Variants in TMEM132B observed in about 807,000 individuals in gnomAD.
TMEM132B encodes transmembrane protein 132B.
Under a neutral mutation model 90.8 loss-of-function variants are expected in TMEM132B, and 18 were observed. The ratio of observed to expected loss-of-function variants is 0.20; its 90% CI spans 0.14 to 0.29. The LOEUF (loss-of-function observed/expected upper bound fraction) is 0.29. Ranked by LOEUF, TMEM132B falls within the 10% of genes least tolerant of loss-of-function variation. The pLI, the probability that TMEM132B is intolerant of heterozygous loss-of-function variation, is 1.00. For missense variants in TMEM132B, 1,096 were observed against 1,326.8 expected (o/e 0.83, Z 2.70); for synonymous variants, 504 against 523.3 (o/e 0.96, Z 0.50).
At chr12:125,592,923 T>C (rs1329949723) in intron 5 of TMEM132B, among the ~76,000 whole-genome samples, 1 of 152,228 alleles carries the variant, frequency 6.6e-6, no homozygotes, top group Admixed American at 6.5e-5. Flanking sequence ...GTTTTTGTTG[T>C]AGCAAGTCAC....
chr12:125,589,657 G>C lies in TMEM132B; in HGVS notation c.1437+5663G>C, dbSNP rs549422898. Among the ~76,000 whole-genome samples the C allele has an allele frequency of 6.8e-4, 103 of 152,104 alleles. 1 individual carries two copies. The highest frequency in any genetic ancestry group is 1.1e-3 in the Non-Finnish European group (76 of 68,026). ...CATATCAGAAGATGAAGGAGGAGCA[G>C]ACACATCTTACATGGCAGGAGCAGG... On this transcript the variant is annotated intron_variant, in intron 5 of 8. Coordinates refer to ENST00000682704, the MANE Select transcript of TMEM132B (RefSeq NM_001366854.1).
At chr12:125,391,060 T>G (rs1879000053) in intron 2 of TMEM132B, among the ~76,000 whole-genome samples, 1 of 151,866 alleles carries the variant, frequency 6.6e-6, no homozygotes, top group African/African-American at 2.4e-5. Context: ...TGTGTGTGTG[T>G]GTGTGTGTGT....
At chr12:125,217,571 C>T (rs903810781) in intron 1 of TMEM132B, among the ~76,000 whole-genome samples, 4 of 152,252 alleles carry the variant, frequency 2.6e-5, no homozygotes, top group East Asian at 1.9e-4. Flanking sequence ...CTCAGCCTCC[C>T]GAGTAGCTGG....
chr12:125,218,993 C>T (rs931376215), intron 1 of TMEM132B, among the ~76,000 whole-genome samples: 3 of 152,054 alleles, frequency 2.0e-5, no homozygotes, highest in Non-Finnish European at 4.4e-5. Flanking sequence ...TACTAAATGC[C>T]ACTGACTTGT....
intron 4 of TMEM132B, among the ~76,000 whole-genome samples, chr12:125,570,729 G>A (rs1884770604): frequency 6.6e-6 from 1 of 152,164 alleles, no homozygotes; most frequent in Non-Finnish European, 1.5e-5. Flanking sequence ...ATTTAAATTG[G>A]AGCCAACATC....
At chr12:125,404,455 C>T (rs1395309170) in intron 2 of TMEM132B, among the ~76,000 whole-genome samples, 1 of 152,184 alleles carries the variant, frequency 6.6e-6, no homozygotes, top group Non-Finnish European at 1.5e-5. Context: ...TTCCAAAGGA[C>T]ATCTCACAAG....
At chr12:125,566,536 G>T (rs4765261) in intron 4 of TMEM132B, among the ~76,000 whole-genome samples, 139,687 of 152,126 alleles carry the variant, frequency 0.92, 64,154 homozygotes, top group Middle Eastern at 0.97. Flanking sequence ...GGAAGCCTCA[G>T]TGGACGTGGC....
At chr12:125,280,689 A>AC (rs1875138292) in intron 1 of TMEM132B, among the ~76,000 whole-genome samples, 1 of 152,038 alleles carries the variant, frequency 6.6e-6, no homozygotes, top group Non-Finnish European at 1.5e-5. Flanking sequence ...TAGTCACATG[A>AC]CCCCACCCAG....
At position 125,364,847 on chromosome 12, in the gene TMEM132B, A is replaced by C. The variant is rs1878076849; in HGVS notation, c.959+14504A>C. On this transcript the variant is annotated intron_variant, in intron 2 of 8. Transcript: ENST00000682704. ...ACAGTTGATTTTTTTGTGTGTACTG[A>C]GGTTGTATCCTGTAACCTTGCCAAA... is the stretch of plus-strand genomic sequence containing the variant. Among the ~76,000 whole-genome samples, 5 of 151,952 alleles carry C rather than the reference A, an allele frequency of 3.3e-5. No individual in the cohort carries two copies. The South Asian group carries it at 1.0e-3, about 32-fold the overall frequency.
chr12:125,418,019 A>G (rs369312727), intron 3 of TMEM132B, among the ~76,000 whole-genome samples: 10 of 152,100 alleles, frequency 6.6e-5, no homozygotes, highest in African/African-American at 2.4e-4. Context: ...CACCCCAGTT[A>G]CCTTAGTCTC....
chr12:125,293,096 A>G (rs1200547685), intron 1 of TMEM132B, among the ~76,000 whole-genome samples: 1 of 152,152 alleles, frequency 6.6e-6, no homozygotes, highest in Non-Finnish European at 1.5e-5. Flanking sequence ...TCCTTTCAAC[A>G]CATGCCATTG....
At chr12:125,249,015 A>C (rs1455751836) in intron 1 of TMEM132B, among the ~76,000 whole-genome samples, 1 of 152,148 alleles carries the variant, frequency 6.6e-6, no homozygotes. Context: ...TGAGCCCCTT[A>C]TGAGCATGTG....
chr12:125,313,462 C>T (rs1240872073), intron 1 of TMEM132B, among the ~76,000 whole-genome samples: 1 of 151,036 alleles, frequency 6.6e-6, no homozygotes, highest in Non-Finnish European at 1.5e-5. Flanking sequence ...TCCCTTCTTT[C>T]TCTCTTCCTT....
At chr12:125,348,992 A>G (rs1877460521) in intron 1 of TMEM132B, among the ~76,000 whole-genome samples, 1 of 152,224 alleles carries the variant, frequency 6.6e-6, no homozygotes, top group Non-Finnish European at 1.5e-5. Flanking sequence ...CATCATGTCC[A>G]CGTAGATTGT....
chr12:125,599,932 C>A (rs1277406293), intron 5 of TMEM132B, among the ~76,000 whole-genome samples: 1 of 152,066 alleles, frequency 6.6e-6, no homozygotes, highest in Non-Finnish European at 1.5e-5. Context: ...TGGCAGAAGT[C>A]AACAAAAGCA....
At chr12:125,550,092 T>G (rs1433547239) in intron 4 of TMEM132B, among the ~76,000 whole-genome samples, 1 of 152,106 alleles carries the variant, frequency 6.6e-6, no homozygotes, top group Non-Finnish European at 1.5e-5. Flanking sequence ...CTGATTTTGG[T>G]ATCTTCTTCT....
chr12:125,215,562 G>T (rs1402489480), intron 1 of TMEM132B, among the ~76,000 whole-genome samples: 6 of 151,650 alleles, frequency 4.0e-5, no homozygotes, highest in Non-Finnish European at 5.9e-5. Flanking sequence ...CTTTTTTTGA[G>T]ATGGAGTCTC....
At chr12:125,216,933 C>A (rs190761917) in intron 1 of TMEM132B, among the ~76,000 whole-genome samples, 1 of 152,226 alleles carries the variant, frequency 6.6e-6, no homozygotes, top group Non-Finnish European at 1.5e-5. Flanking sequence ...CCACTGGCTG[C>A]GATCTTGGCG....
At chr12:125,363,791 A>G (rs915136098) in intron 2 of TMEM132B, among the ~76,000 whole-genome samples, 1 of 152,206 alleles carries the variant, frequency 6.6e-6, no homozygotes, top group Non-Finnish European at 1.5e-5. Flanking sequence ...GTTTGGACTC[A>G]GGTCTTCCCA....
Sources: allele counts gnomAD v4.1 joint callset (sites outside exome capture counted in the v4.1 genomes callset), GRCh38; gene constraint gnomAD v4.1.1; transcripts MANE v1.5; gene names NCBI Gene and HGNC (gene_info 2026-07-23, HGNC 2026-07-21).